Variants in ADD3 observed in about 807,000 individuals in gnomAD.
ADD3 encodes the protein gamma-adducin.
In ADD3, 25 loss-of-function variants were observed where a neutral mutation model predicts 80.2. That is an observed-to-expected ratio of 0.31 (90% CI 0.23 to 0.44). The LOEUF (loss-of-function observed/expected upper bound fraction) is 0.44. Ranked by LOEUF, ADD3 falls within the 20% of genes least tolerant of loss-of-function variation. The pLI is 1.00. For missense variants in ADD3, 829 were observed against 847.5 expected, an observed-to-expected ratio of 0.98 and a Z score of 0.27; for synonymous variants, 284 against 289.6, an observed-to-expected ratio of 0.98 and a Z score of 0.20.
intron 10 of ADD3, 53 bp from the exon 11 acceptor site, chr10:110,125,770 TCTA>T: frequency 1.5e-6 from 2 of 1,367,072 alleles, no homozygotes; most frequent in Non-Finnish European, 2.0e-6. Flanking sequence ...TATCTAACAA[TCTA>T]CTAATATTTT....
chr10:110,118,501 A>T, intron 5 of ADD3, 86 bp from the exon 6 acceptor site: 1 of 1,173,638 alleles, frequency 8.5e-7, no homozygotes, highest in East Asian at 2.4e-5. Flanking sequence ...TTTTACAAAA[A>T]GGTTTGCTAC....
intron 1 of ADD3, among the ~76,000 whole-genome samples, chr10:110,034,699 A>T (rs187787111): frequency 9.2e-5 from 14 of 152,298 alleles, no homozygotes; most frequent in African/African-American, 2.9e-4. Context: ...TCTAATCTGA[A>T]TATAAAGGGT....
intron 1 of ADD3, among the ~76,000 whole-genome samples, chr10:110,050,506 CTTTT>C (rs59897959): frequency 9.3e-5 from 12 of 129,422 alleles, no homozygotes; most frequent in African/African-American, 3.3e-4. Flanking sequence ...CATTAAACCT[CTTTT>C]TTTTTTTTTT....
At position 110,109,119 on chromosome 10, in the gene ADD3, G is replaced by A. The variant is rs76262585; in HGVS notation, c.196-3658G>A. Among the ~76,000 whole-genome samples the A allele has an allele frequency of 2.1e-3, 323 of 152,288 alleles. 6 individuals carry two copies. In the East Asian group the frequency reaches 0.055, roughly 26 times the overall value. On this transcript the variant is annotated intron_variant, in intron 2 of 14. Coordinates refer to ENST00000356080, the MANE Select transcript of ADD3 (RefSeq NM_016824.5). Reference sequence around the variant, plus strand: ...TCCTTGCCTCTGGCATTTACTAGCTGTATGTCCGTGAACAGGTTTTCAACC... The same window carrying A: ...TCCTTGCCTCTGGCATTTACTAGCTATATGTCCGTGAACAGGTTTTCAACC...
chr10:110,026,260 A>G (rs952924695), intron 1 of ADD3, among the ~76,000 whole-genome samples: 6 of 151,308 alleles, frequency 4.0e-5, no homozygotes, highest in African/African-American at 9.7e-5. Flanking sequence ...TAGATTATAG[A>G]ACTTATGACC....
intron 1 of ADD3, among the ~76,000 whole-genome samples, chr10:110,009,601 G>T (rs1311851063): frequency 6.6e-6 from 1 of 151,920 alleles, no homozygotes; most frequent in African/African-American, 2.4e-5. Context: ...TTTTTATATC[G>T]AAGTCTCCAT....
intron 10 of ADD3, 104 bp downstream of exon 10, chr10:110,124,378 A>T: frequency 2.3e-6 from 3 of 1,306,476 alleles, no homozygotes; most frequent in Non-Finnish European, 3.1e-6. Flanking sequence ...AAATAATATT[A>T]AAAATATTAC....
chr10:110,063,867 C>T (rs1257317312), intron 1 of ADD3, among the ~76,000 whole-genome samples: 1 of 148,670 alleles, frequency 6.7e-6, no homozygotes, highest in East Asian at 2.0e-4. Context: ...CATTTCTCCT[C>T]TCTCTGCAAG....
At chr10:110,114,228 T>C (rs1260020930) in intron 3 of ADD3, among the ~76,000 whole-genome samples, 1 of 152,208 alleles carries the variant, frequency 6.6e-6, no homozygotes, top group Non-Finnish European at 1.5e-5. Flanking sequence ...AAGTTAAAGT[T>C]GGAAGGTTAC....
chr10:110,030,397 C>T (rs1854866786), intron 1 of ADD3, among the ~76,000 whole-genome samples: 1 of 150,854 alleles, frequency 6.6e-6, no homozygotes, highest in African/African-American at 2.4e-5. Flanking sequence ...AACCTTCTGA[C>T]AGCTGTTACT....
chr10:110,104,031 A>G (rs1849138372), intron 2 of ADD3, among the ~76,000 whole-genome samples: 1 of 152,226 alleles, frequency 6.6e-6, no homozygotes, highest in African/African-American at 2.4e-5. Context: ...AATGTAGTCC[A>G]GCTGCAGATG....
At position 110,008,180 on chromosome 10, in the gene ADD3, C is replaced by G. The variant is rs1027522247; in HGVS notation, c.-149C>G. On this transcript the variant is annotated 5_prime_UTR_variant, in exon 1 of 15. Coordinates refer to ENST00000356080, the MANE Select transcript of ADD3 (RefSeq NM_016824.5). ...AGCCCCCTCCCCTTCTCCCGCCCTACCCTCTGGGGCTCTGCGGCGCTTAAG... is the reference window on the plus strand; with the variant it reads ...AGCCCCCTCCCCTTCTCCCGCCCTAGCCTCTGGGGCTCTGCGGCGCTTAAG... 6.6e-6 allele frequency: 1 copy of G among 152,328 alleles called. No individual in the cohort carries two copies. The highest frequency in any genetic ancestry group is 2.4e-5 in the African/African-American group (1 of 41,474). 9.4% of individuals were successfully genotyped at this position (152,328 alleles called of 1,614,324 possible).
intron 1 of ADD3, among the ~76,000 whole-genome samples, chr10:109,998,807 C>T (rs993003738): frequency 6.6e-6 from 1 of 152,152 alleles, no homozygotes; most frequent in Non-Finnish European, 1.5e-5. Flanking sequence ...CTCAAAGACA[C>T]CTTCTTCATC....
chr10:110,028,309 C>T (rs891348014), intron 1 of ADD3, among the ~76,000 whole-genome samples: 2 of 151,856 alleles, frequency 1.3e-5, no homozygotes, highest in African/African-American at 4.8e-5. Context: ...CGTGGTGGCT[C>T]ACGCCTGTAA....
intron 8 of ADD3, among the ~76,000 whole-genome samples, chr10:110,120,760 C>T (rs1309168537): frequency 6.6e-6 from 1 of 152,118 alleles, no homozygotes; most frequent in African/African-American, 2.4e-5. Flanking sequence ...TACTACAAGG[C>T]TACAGTAACC....
intron 1 of ADD3, among the ~76,000 whole-genome samples, chr10:110,085,170 T>C (rs1181484080): frequency 6.6e-6 from 1 of 152,306 alleles, no homozygotes; most frequent in African/African-American, 2.4e-5. Context: ...GGCCTACTTT[T>C]CAAAGCTAAA....
At chr10:110,055,097 TTACCTC>T (rs1471238588) in intron 1 of ADD3, among the ~76,000 whole-genome samples, 7 of 152,230 alleles carry the variant, frequency 4.6e-5, no homozygotes, top group Non-Finnish European at 1.0e-4. Context: ...TGTAAAGTGT[TTACCTC>T]TAGTAAGTGC....
chr10:110,014,788 A>G (rs920929197), intron 1 of ADD3, among the ~76,000 whole-genome samples: 10 of 151,584 alleles, frequency 6.6e-5, no homozygotes, highest in African/African-American at 1.9e-4. Context: ...CGGCCTCCCA[A>G]AGTGCTGGGA....
chr10:110,003,903 A>C (rs1317624170), upstream of ADD3, among the ~76,000 whole-genome samples: 1 of 152,218 alleles, frequency 6.6e-6, no homozygotes, highest in African/African-American at 2.4e-5. Flanking sequence ...CAAATTAAAA[A>C]CAAACAAAAA....
Sources: gnomAD v4.1 joint callset for allele counts (sites outside exome capture counted in the v4.1 genomes callset) on GRCh38, gnomAD v4.1.1 for gene constraint, MANE v1.5 for transcripts, NCBI Gene and HGNC (gene_info 2026-07-23, HGNC 2026-07-21) for gene names.